The following TENM2 variants were observed in gnomAD, a reference collection of about 807,000 sequenced individuals.
TENM2 encodes teneurin transmembrane protein 2.
TENM2 carries 52 observed loss-of-function variants against 245.2 expected under a neutral mutation model. The ratio of observed to expected loss-of-function variants is 0.21; its 90% confidence interval spans 0.17 to 0.27. The LOEUF (loss-of-function observed/expected upper bound fraction) is 0.27, where lower values mean the gene tolerates loss of function less well. Ranked by LOEUF, TENM2 falls within the 10% of genes least tolerant of loss-of-function variation. The pLI is 1.00. For synonymous variants in TENM2, 1,363 were observed against 1,438.9 expected, an observed-to-expected ratio of 0.95 and a Z score of 1.19; for missense variants, 3,046 against 3,666.8, an observed-to-expected ratio of 0.83 and a Z score of 4.37.
the TENM2 span, among the ~76,000 whole-genome samples, chr5:167,130,913 A>T: frequency 0.043 from 2,735 of 63,796 alleles, 81 homozygotes; most frequent in African/African-American, 0.15. Flanking sequence ...TTTTTTTTTT[A>T]AAAAAAAAAA....
chr5:167,584,942 T>C (rs1775380112), intron 2 of TENM2, among the ~76,000 whole-genome samples: 1 of 152,220 alleles, frequency 6.6e-6, no homozygotes, highest in African/African-American at 2.4e-5. Flanking sequence ...GTCTAGCTTA[T>C]CTGCTGCTGT....
the TENM2 span, among the ~76,000 whole-genome samples, chr5:167,083,842 T>C: frequency 0.041 from 6,185 of 152,266 alleles, 168 homozygotes; most frequent in South Asian, 0.089. Flanking sequence ...GTGACACTGC[T>C]ATTTTAACAG....
chr5:167,490,578 C>G (rs1768367744), intron 2 of TENM2, among the ~76,000 whole-genome samples: 1 of 152,020 alleles, frequency 6.6e-6, no homozygotes, highest in Non-Finnish European at 1.5e-5. Flanking sequence ...ACACAGATCT[C>G]TGGAAGGAAG....
chr5:167,422,665 A>C (rs1208634784), intron 2 of TENM2, among the ~76,000 whole-genome samples: 1 of 152,224 alleles, frequency 6.6e-6, no homozygotes, highest in East Asian at 1.9e-4. Context: ...TGATAGCAAC[A>C]GTCTATTTGA....
the TENM2 span, among the ~76,000 whole-genome samples, chr5:167,044,025 ATAG>A: frequency 2.0e-5 from 2 of 101,750 alleles, no homozygotes; most frequent in Admixed American, 9.4e-5. Flanking sequence ...TCTCAAATAA[ATAG>A]TAAGGACAGA....
intron 2 of TENM2, among the ~76,000 whole-genome samples, chr5:167,658,740 A>C (rs17068919): frequency 0.047 from 7,079 of 152,146 alleles, 536 homozygotes; most frequent in African/African-American, 0.16. Flanking sequence ...ACATGGGGTA[A>C]TTTCTCAGGG....
At chr5:168,222,839 G>T in intron 23 of TENM2, among the ~76,000 whole-genome samples, 1 of 152,178 alleles carries the variant, frequency 6.6e-6, no homozygotes, top group Non-Finnish European at 1.5e-5. Flanking sequence ...CAGCTAGCAT[G>T]AGTGCAAGAA....
Position 168,236,974 on chromosome 5 carries a change from A to C in TENM2, c.5521-7446A>C, listed in dbSNP as rs1490883677. Among the ~76,000 whole-genome samples, 27 of 3,252 alleles carry C rather than the reference A, an allele frequency of 8.3e-3. 2 individuals carry two copies. The highest frequency in any genetic ancestry group is 0.015 in the Non-Finnish European group (26 of 1,688). 2.1% of individuals were successfully genotyped at this position (3,252 alleles called of 152,430 possible). A position where few individuals can be genotyped will look rare whatever the true frequency, so the allele number is the denominator to read the frequency against. On this transcript the variant is annotated intron_variant, in intron 25 of 28. Coordinates refer to ENST00000518659, the Ensembl canonical transcript of TENM2. Reference sequence around the variant, plus strand: ...TATATATATATATATATATATATATATATATATATATATATATATATATAT... The same window carrying C: ...TATATATATATATATATATATATATCTATATATATATATATATATATATAT...
chr5:167,200,855 A>G, the TENM2 span, among the ~76,000 whole-genome samples: 3 of 152,178 alleles, frequency 2.0e-5, no homozygotes, highest in African/African-American at 7.2e-5. Flanking sequence ...TACAGAACCC[A>G]TTGGCAAGCT....
the TENM2 span, among the ~76,000 whole-genome samples, chr5:167,042,085 C>T: frequency 6.6e-6 from 1 of 151,966 alleles, no homozygotes; most frequent in Non-Finnish European, 1.5e-5. Flanking sequence ...ATTTATTACC[C>T]GTTAATTTCC....
chr5:167,831,316 T>G (rs1768460560), intron 2 of TENM2, among the ~76,000 whole-genome samples: 1 of 152,118 alleles, frequency 6.6e-6, no homozygotes, highest in Admixed American at 6.6e-5. Flanking sequence ...CACTTTGGAC[T>G]CTGGGTAGAC....
At chr5:167,194,769 T>C in the TENM2 span, among the ~76,000 whole-genome samples, 1 of 152,068 alleles carries the variant, frequency 6.6e-6, no homozygotes, top group Non-Finnish European at 1.5e-5. Context: ...GCTTCATAAA[T>C]GTTAGCTCTG....
intron 2 of TENM2, among the ~76,000 whole-genome samples, chr5:167,634,256 T>C (rs73382951): frequency 0.023 from 3,497 of 152,272 alleles, 132 homozygotes; most frequent in African/African-American, 0.08. Context: ...GCATGTCCAG[T>C]TTGCAATCAC....
rs114675625 is a variant in TENM2, at chr5:167,840,125, C to G, written c.503-35861C>G. ...CGTGAGCCACCACACCCAACCCAAA[C>G]TTTCCTTATTCAAGGCCAACCCAGC... On this transcript the variant is annotated intron_variant, in intron 2 of 28. Transcript: ENST00000518659. Among the ~76,000 whole-genome samples the G allele has an allele frequency of 9.1e-3, 1,380 of 152,366 alleles. 20 individuals are homozygous for G. The highest frequency in any genetic ancestry group is 0.032 in the African/African-American group (1,315 of 41,582).
At chr5:168,021,998 A>C (rs1307271279) in intron 5 of TENM2, among the ~76,000 whole-genome samples, 2 of 152,242 alleles carry the variant, frequency 1.3e-5, no homozygotes, top group Admixed American at 6.5e-5. Flanking sequence ...TGCATTTTGC[A>C]GATGGGAACA....
At chr5:167,335,454 A>C (rs114772809) in intron 1 of TENM2, among the ~76,000 whole-genome samples, 1,782 of 152,284 alleles carry the variant, frequency 0.012, 33 homozygotes, top group African/African-American at 0.041. Flanking sequence ...CTGGCTAGCA[A>C]CCTATGGCTT....
the TENM2 span, among the ~76,000 whole-genome samples, chr5:167,088,990 C>A: frequency 2.6e-5 from 4 of 152,180 alleles, no homozygotes; most frequent in African/African-American, 9.7e-5. Context: ...TTTATTTAGA[C>A]GCAGTTTCGT....
At chr5:167,728,315 A>ATGGAG (rs1251330136) in intron 2 of TENM2, among the ~76,000 whole-genome samples, 6 of 152,056 alleles carry the variant, frequency 3.9e-5, no homozygotes, top group Non-Finnish European at 8.8e-5. Flanking sequence ...TTTAAATGGA[A>ATGGAG]TGGCTGGCCA....
intron 2 of TENM2, among the ~76,000 whole-genome samples, chr5:167,809,920 G>A (rs989843568): frequency 1.3e-5 from 2 of 152,130 alleles, no homozygotes; most frequent in Non-Finnish European, 2.9e-5. Context: ...ATCTTGGTGC[G>A]CCATGCCAGG....
Sources: gnomAD v4.1 joint callset for allele counts (sites outside exome capture counted in the v4.1 genomes callset) on GRCh38, gnomAD v4.1.1 for gene constraint, MANE v1.5 for transcripts, NCBI Gene and HGNC (gene_info 2026-07-23, HGNC 2026-07-21) for gene names.